The following SLC22A8 variants were observed in gnomAD, a reference collection of about 807,000 sequenced individuals.
The protein encoded by SLC22A8 is organic anion transporter 3.
In SLC22A8, 40 loss-of-function variants were observed where a neutral mutation model predicts 48.4. The observed-to-expected ratio is 0.83, with a 90% CI of 0.64 to 1.08. The LOEUF (loss-of-function observed/expected upper bound fraction) is 1.08, where lower values mean the gene tolerates loss of function less well. Among genes scored for constraint, SLC22A8 ranks in the 50% least tolerant of loss-of-function variants. The probability of loss-of-function intolerance (pLI) is 0.00; values close to 1 mark genes in which losing one functional copy is unlikely to be tolerated. For missense variants in SLC22A8, 606 were observed against 699.0 expected (o/e 0.87, Z 1.50); for synonymous variants, 268 against 286.3 (o/e 0.94, Z 0.65).
Position 62,999,785 on chromosome 11 carries a change from G to T in SLC22A8, c.495C>A (p.Ser165=). The change falls in exon 4 of 11, where the codon TCC becomes TCA. Residue 165 remains serine (S), a synonymous_variant. Coordinates refer to ENST00000336232, the MANE Select transcript of SLC22A8 (RefSeq NM_004254.4). ...CSYLLLAASG[S]GAAFSPTFPI... ...GGAAGGTGGGGCTGAAGGCTGCACC[G>T]GAGCCGCTGGCTGCCAGCAGCAGGT... The T allele has an allele frequency of 6.2e-7, 1 of 1,605,472 alleles. No individual in the cohort carries two copies. Among genetic ancestry groups the T allele is most frequent in the Non-Finnish European group, 8.5e-7 (1 of 1,175,744 alleles).
At chr11:63,002,730 T>G (rs111850839) in intron 2 of SLC22A8, among the ~76,000 whole-genome samples, 20 of 152,328 alleles carry the variant, frequency 1.3e-4, no homozygotes, top group African/African-American at 4.6e-4. Flanking sequence ...ATTCTTCTAT[T>G]TCCAATACTA....
At chr11:62,995,893 C>T (rs1160480454) in intron 6 of SLC22A8, 74 bp from the exon 7 acceptor site, 3 of 1,492,356 alleles carry the variant, frequency 2.0e-6, no homozygotes, top group Non-Finnish European at 1.9e-6. Flanking sequence ...GAGATGCAGG[C>T]GTGGTGCCTC....
chr11:63,003,334 TGA>T (rs2086519582), intron 2 of SLC22A8, among the ~76,000 whole-genome samples: 1 of 152,056 alleles, frequency 6.6e-6, no homozygotes, highest in Admixed American at 6.6e-5. Flanking sequence ...CAGTTGGAAG[TGA>T]GGGAGAATGG....
Position 62,999,053 on chromosome 11 carries a change from A to G in SLC22A8, c.629T>C (p.Met210Thr), listed in dbSNP as rs138159226. 6 of 1,614,016 alleles carry G rather than the reference A, an allele frequency of 3.7e-6. 1 individual carries two copies. The African/African-American group carries it at 4.0e-5, about 11-fold the overall frequency. Residue 210 changes from methionine (M) to threonine (T), a missense_variant, in exon 5 of 11, where the codon ATG (methionine) becomes ACG (threonine). Transcript: ENST00000336232. ...EWVPTRMRAI[M>T]STALGYCYTF... The stretch of plus-strand genomic sequence containing the variant: ...GTAGCAGTACCCGAGTGCTGTCGAC[A>G]TGATGGCCCGCATCCGGGTAGGCAC...
chr11:62,994,842 A>G, intron 7 of SLC22A8, 86 bp from the exon 8 acceptor site: 1 of 1,000,492 alleles, frequency 1.0e-6, no homozygotes, highest in Non-Finnish European at 1.6e-6. Flanking sequence ...AGGATGATGA[A>G]TAGCTTCACT....
intron 2 of SLC22A8, among the ~76,000 whole-genome samples, chr11:63,003,250 A>G (rs1263960143): frequency 6.6e-6 from 1 of 152,250 alleles, no homozygotes; most frequent in Non-Finnish European, 1.5e-5. Flanking sequence ...AATGCCTCAC[A>G]AGAATGTTTT....
intron 5 of SLC22A8, among the ~76,000 whole-genome samples, chr11:62,998,499 T>C (rs2086449911): frequency 6.6e-6 from 1 of 152,080 alleles, no homozygotes; most frequent in Non-Finnish European, 1.5e-5. Flanking sequence ...CCCAGCACCA[T>C]CCCCTCCCAT....
At position 63,006,393 on chromosome 11, in the gene SLC22A8, A is replaced by G. The variant is rs148584072; in HGVS notation, c.334-5570T>C. 2.0e-5 allele frequency among the ~76,000 whole-genome samples: 3 copies of G among 152,214 alleles called. No individual in the cohort carries two copies. The East Asian group carries it at 5.8e-4, about 29-fold the overall frequency. ...ACTTCTTTTATGGTCGTCTGGCACAAACAGGTGGTCAATAAGTGTTTGTCA... is the reference window on the plus strand; with the variant it reads ...ACTTCTTTTATGGTCGTCTGGCACAGACAGGTGGTCAATAAGTGTTTGTCA... On this transcript the variant is annotated intron_variant, in intron 2 of 10. Coordinates refer to ENST00000336232, the MANE Select transcript of SLC22A8 (RefSeq NM_004254.4).
In SLC22A8 at chr11:63,014,811, G is replaced by A. The variant is rs929442101; in HGVS notation, c.148C>T (p.Arg50Cys). The A allele has an allele frequency of 2.5e-6, 4 of 1,612,724 alleles. No individual in the cohort carries two copies. In the African/African-American group the frequency reaches 4.0e-5, roughly 16 times the overall value. ...FTAATPVHHC[R>C]PPHNASTGPW... ...CCTGTGGAGGCATTGTGGGGCGGGC[G>A]ACAGTGGTGGACAGGGGTGGCGGCT... Residue 50 changes from arginine to cysteine, a missense_variant, in exon 2 of 11, where the codon CGC (arginine) becomes TGC (cysteine). Physicochemically the swap from Arg to Cys is radical, Grantham distance 180. Transcript: ENST00000336232.
At chr11:62,999,550 C>A in intron 4 of SLC22A8, 138 bp downstream of exon 4, 1 of 625,108 alleles carries the variant, frequency 1.6e-6, no homozygotes. Context: ...TAAGTGAGGC[C>A]TCTGAGGTCC....
chr11:63,005,918 T>C (rs1332462455), intron 2 of SLC22A8, among the ~76,000 whole-genome samples: 1 of 152,198 alleles, frequency 6.6e-6, no homozygotes, highest in Non-Finnish European at 1.5e-5. Context: ...TACGGCACGA[T>C]TCCTGAATAT....
intron 5 of SLC22A8, among the ~76,000 whole-genome samples, chr11:62,997,696 C>T (rs1472438922): frequency 5.9e-5 from 9 of 152,172 alleles, no homozygotes; most frequent in East Asian, 5.8e-4. Flanking sequence ...TTCTCATTTC[C>T]GAGCTGAGGT....
intron 2 of SLC22A8, among the ~76,000 whole-genome samples, chr11:63,003,143 T>C (rs2086517626): frequency 6.6e-6 from 1 of 152,240 alleles, no homozygotes; most frequent in African/African-American, 2.4e-5. Context: ...GGCCCCTGCC[T>C]ACCTGTCTGG....
Position 63,014,610 on chromosome 11 carries a change from G to T in SLC22A8, c.333+16C>A, listed in dbSNP as rs756158129. Reference sequence around the variant, plus strand: ...GTACGTGGGTAAGTGGAGGGAGAGGGTTTGCCCAGGCATACCTCTGTCACA... The same window carrying T: ...GTACGTGGGTAAGTGGAGGGAGAGGTTTTGCCCAGGCATACCTCTGTCACA... On this transcript the variant is annotated intron_variant, in intron 2 of 10. Transcript: ENST00000336232. The T allele has an allele frequency of 1.9e-6, 3 of 1,566,670 alleles. No homozygotes were observed. Among genetic ancestry groups the T allele is most frequent in the South Asian group, 2.4e-5 (2 of 84,596 alleles).
At position 62,999,729 on chromosome 11, in the gene SLC22A8, C is replaced by T; in HGVS notation, c.551G>A (p.Gly184Asp). Residue 184 changes from glycine to aspartate, a missense_variant, in exon 4 of 11, where the codon GGC (glycine) becomes GAC (aspartate). Coordinates refer to ENST00000336232, the MANE Select transcript of SLC22A8 (RefSeq NM_004254.4). ...CAGGGTAATGCCTGAGATGCCAAAG[C>T]CACACAGGAAGCGGAAGACCATGTA... ...PIYMVFRFLCGFGISGITLST... is the reference protein window; with the variant it reads ...PIYMVFRFLCDFGISGITLST... 1.2e-6 allele frequency: 2 copies of T among 1,604,322 alleles called. No individual in the cohort carries two copies. The highest frequency in any genetic ancestry group is 1.7e-6 in the Non-Finnish European group (2 of 1,175,298).
chr11:63,009,674 A>G (rs1240237583), intron 2 of SLC22A8, among the ~76,000 whole-genome samples: 1 of 152,048 alleles, frequency 6.6e-6, no homozygotes, highest in Non-Finnish European at 1.5e-5. Context: ...GCACCAAGAG[A>G]AAGGAATTTG....
intron 3 of SLC22A8, 56 bp from the exon 4 acceptor site, chr11:62,999,898 A>T (rs764850591): frequency 3.4e-5 from 47 of 1,392,798 alleles, no homozygotes; most frequent in Non-Finnish European, 4.2e-5. Flanking sequence ...TGCCAAGAGG[A>T]GTGACTCTGC....
At position 62,993,009 on chromosome 11, in the gene SLC22A8, A is replaced by C. The variant is rs1168796474; in HGVS notation, c.*228T>G. 2 of 572,404 alleles carry C rather than the reference A, an allele frequency of 3.5e-6. No homozygotes were observed. The highest frequency in any genetic ancestry group is 6.2e-6 in the Non-Finnish European group (2 of 322,806). The allele number at this position is 572,404 out of a possible 1,614,324, so 35.5% of individuals were successfully genotyped here. ...TGGCCAGTGGGGAAGGGCTAGACAG[A>C]AGAATGGCAGGGCCTGGGTTGCAGG... On this transcript the variant is annotated 3_prime_UTR_variant, in exon 11 of 11. Transcript: ENST00000336232.
In SLC22A8 at chr11:62,993,296, C is replaced by T; in HGVS notation, c.1570G>A (p.Glu524Lys). Residue 524 changes from glutamate (E) to lysine (K), a missense_variant, in exon 11 of 11, where the codon GAA (glutamate) becomes AAA (lysine). Physicochemically the swap from Glu to Lys is moderately conservative, Grantham distance 56. Coordinates refer to ENST00000336232, the MANE Select transcript of SLC22A8 (RefSeq NM_004254.4). The stretch of plus-strand genomic sequence containing the variant: ...AGAGGGATCCTCTGGGAGGCCTTTT[C>T]CACCTCTGGCTCCTGCTTTGGCTTC... ...AKKPKQEPEV[E>K]KASQRIPLQP... 6.2e-7 allele frequency: 1 copy of T among 1,613,782 alleles called. No individual in the cohort carries two copies. Among genetic ancestry groups the T allele is most frequent in the East Asian group, 2.2e-5 (1 of 44,868 alleles).
Sources: gnomAD v4.1 joint callset for allele counts (sites outside exome capture counted in the v4.1 genomes callset) on GRCh38, gnomAD v4.1.1 for gene constraint, MANE v1.5 for transcripts, NCBI Gene and HGNC (gene_info 2026-07-23, HGNC 2026-07-21) for gene names.